The following LIX1L variants were observed in gnomAD, a reference collection of about 807,000 sequenced individuals.
The protein encoded by LIX1L is LIX1-like protein.
In LIX1L, 20 loss-of-function variants were observed where a neutral mutation model predicts 34.0. The observed-to-expected ratio is 0.59, with a 90% CI of 0.41 to 0.85. LIX1L has a LOEUF of 0.85. Among genes scored for constraint, LIX1L ranks in the 40% least tolerant of loss-of-function variants. LIX1L has a pLI of 0.00. For synonymous variants in LIX1L, 170 were observed against 187.4 expected (o/e 0.91, Z 0.76); for missense variants, 397 against 447.0 (o/e 0.89, Z 1.01).
intron 3 of LIX1L, among the ~76,000 whole-genome samples, chr1:145,938,450 G>C (rs1017390370): frequency 1.3e-5 from 2 of 152,172 alleles, no homozygotes; most frequent in Non-Finnish European, 2.9e-5. Flanking sequence ...CCTACAAATA[G>C]CGTGGCCTTG....
intron 4 of LIX1L, 117 bp downstream of exon 4, chr1:145,937,487 G>GT (rs1438365168): frequency 1.5e-6 from 1 of 666,746 alleles, no homozygotes; most frequent in East Asian, 2.9e-5. Flanking sequence ...GAAAAATAGT[G>GT]TAACAACCTT....
chr1:145,940,696 G>A (rs375609061), intron 3 of LIX1L, among the ~76,000 whole-genome samples: 27 of 150,258 alleles, frequency 1.8e-4, no homozygotes, highest in East Asian at 1.2e-3. Flanking sequence ...GACTACAGGC[G>A]CGCACCACCA....
intron 3 of LIX1L, among the ~76,000 whole-genome samples, chr1:145,940,803 G>A (rs1449929975): frequency 4.7e-5 from 7 of 150,008 alleles, no homozygotes; most frequent in African/African-American, 7.4e-5. Flanking sequence ...TGCCCACCTC[G>A]GCCTCCGAAA....
At chr1:145,938,339 G>A (rs1553758096) in intron 3 of LIX1L, among the ~76,000 whole-genome samples, 1 of 152,068 alleles carries the variant, frequency 6.6e-6, no homozygotes, top group East Asian at 1.9e-4. Context: ...TATTGGTTAT[G>A]TAACCCTGCA....
chr1:145,947,751 C>G lies in LIX1L; in HGVS notation c.324G>C (p.Trp108Cys). ...CAGCACCACGGGACTGCTTCATCTG[C>G]CAGAATTCCTGAAGTGCCTCCACCA... ...VNVVEALQEF[W>C]QMKQSRGADL... The change falls in exon 2 of 6, where the codon TGG (tryptophan) becomes TGC (cysteine). Residue 108 changes from tryptophan (W) to cysteine (C), a missense_variant. Transcript: ENST00000604000. 6.2e-7 allele frequency: 1 copy of G among 1,614,108 alleles called. No individual in the cohort carries two copies. The highest frequency in any genetic ancestry group is 8.5e-7 in the Non-Finnish European group (1 of 1,180,014).
In LIX1L at chr1:145,957,767, G is replaced by A. The variant is rs905667617; in HGVS notation, c.161C>T (p.Pro54Leu). 5.2e-6 allele frequency: 7 copies of A among 1,351,400 alleles called. No homozygotes were observed. The African/African-American group carries it at 9.2e-5, about 18-fold the overall frequency. The allele number at this position is 1,351,400 out of a possible 1,614,324, so 83.7% of individuals were successfully genotyped here. Residue 54 changes from proline to leucine, a missense_variant, in exon 1 of 6, where the codon CCG (proline) becomes CTG (leucine). By Grantham distance (98) the Pro-to-Leu change is moderately conservative. Transcript: ENST00000604000. Reference sequence around the variant, plus strand: ...TGGGGCCCCAGACAGGAGCAGCGGCGGCGGGGGCGGTGCGGGAGGCGGCGG... The same window carrying A: ...TGGGGCCCCAGACAGGAGCAGCGGCAGCGGGGGCGGTGCGGGAGGCGGCGG... Reference protein sequence around the residue: ...PAPPPPAPPPPPLLLSGAPGL... With the variant: ...PAPPPPAPPPLPLLLSGAPGL...
intron 1 of LIX1L, among the ~76,000 whole-genome samples, chr1:145,949,568 T>TA (rs1358784415): frequency 6.6e-6 from 1 of 152,100 alleles, no homozygotes; most frequent in African/African-American, 2.4e-5. Context: ...TAGGCCATGT[T>TA]AGAGTATTGG....
At chr1:145,952,574 T>C (rs1649335102) in intron 1 of LIX1L, among the ~76,000 whole-genome samples, 3 of 152,028 alleles carry the variant, frequency 2.0e-5, no homozygotes, top group African/African-American at 7.3e-5. Flanking sequence ...GTGGACAGGA[T>C]GGGAATGAGA....
intron 1 of LIX1L, among the ~76,000 whole-genome samples, chr1:145,949,859 C>T (rs1287891033): frequency 6.6e-6 from 1 of 151,448 alleles, no homozygotes; most frequent in East Asian, 1.9e-4. Flanking sequence ...CTCTGTTGCC[C>T]AGGCTGGAGT....
At position 145,933,930 on chromosome 1, in the gene LIX1L, T is replaced by C. The variant is rs1187075484; in HGVS notation, c.*2380A>G. On this transcript the variant is annotated 3_prime_UTR_variant, in exon 6 of 6. Transcript: ENST00000604000. ...AAAAGCAAGAAAGTTGCCTTTCATC[T>C]TGCCCCTATCAAATCCAAAAGAGCC... The C allele has an allele frequency of 6.6e-6, 1 of 152,298 alleles. No homozygotes were observed. Among genetic ancestry groups the C allele is most frequent in the African/African-American group, 2.4e-5 (1 of 41,466 alleles). 9.4% of individuals were successfully genotyped at this position (152,298 alleles called of 1,614,324 possible).
intron 3 of LIX1L, chr1:145,939,790 C>T (rs1553758362): frequency 1.3e-5 from 2 of 151,752 alleles, no homozygotes; most frequent in African/African-American, 4.9e-5. Context: ...GATGCATGCC[C>T]CCATACCCAG....
chr1:145,952,197 C>T (rs1001877989), intron 1 of LIX1L, among the ~76,000 whole-genome samples: 1 of 152,144 alleles, frequency 6.6e-6, no homozygotes, highest in Non-Finnish European at 1.5e-5. Context: ...AACACAGGCT[C>T]CAAGGTCCAG....
Position 145,957,973 on chromosome 1 carries a change from A to G in LIX1L, c.-46T>C. The G allele has an allele frequency of 1.5e-6, 2 of 1,348,620 alleles. No individual in the cohort carries two copies. Among genetic ancestry groups the G allele is most frequent in the Non-Finnish European group, 1.9e-6 (2 of 1,030,950 alleles). The allele number at this position is 1,348,620 out of a possible 1,614,324, so 83.5% of individuals were successfully genotyped here. On this transcript the variant is annotated 5_prime_UTR_variant, in exon 1 of 6. Coordinates refer to ENST00000604000, the MANE Select transcript of LIX1L (RefSeq NM_153713.3). ...CGCCCCGGAGCCTGCCAGCCTGCCG[A>G]GCTAACGGTCCCAACCACCCCAGTC... is the stretch of plus-strand genomic sequence containing the variant.
chr1:145,944,227 G>A (rs1213010529), intron 2 of LIX1L, among the ~76,000 whole-genome samples: 1 of 152,038 alleles, frequency 6.6e-6, no homozygotes, highest in Non-Finnish European at 1.5e-5. Flanking sequence ...CATGGTTGTG[G>A]TGCACACCTG....
At chr1:145,955,223 T>C (rs1376384118) in intron 1 of LIX1L, among the ~76,000 whole-genome samples, 1 of 152,198 alleles carries the variant, frequency 6.6e-6, no homozygotes, top group African/African-American at 2.4e-5. Flanking sequence ...TACAAACTTA[T>C]CAAGATCCTA....
At position 145,947,666 on chromosome 1, in the gene LIX1L, C is replaced by T. The variant is rs782278550; in HGVS notation, c.409G>A (p.Val137Ile). The T allele has an allele frequency of 3.7e-5, 60 of 1,614,042 alleles. No individual in the cohort carries two copies. Among genetic ancestry groups the T allele is most frequent in the African/African-American group, 6.7e-5 (5 of 74,928 alleles). ...EMVPSNSPPY[V>I]CYVTLPGGSC... ...CCCCCAGGCAGGGTGACATAGCAGA[C>T]ATAAGGAGGGCTGTTGGAGGGAACC... The change falls in exon 2 of 6, where the codon GTC becomes ATC. Residue 137 changes from valine to isoleucine, a missense_variant. Physicochemically the swap from Val to Ile is conservative, Grantham distance 29. Around this residue, in one of 3 missense-constraint regions of LIX1L, gnomAD observed 207 missense variants for 205.2 expected, o/e 1.01. Transcript: ENST00000604000.
At chr1:145,950,613 G>A (rs1186259175) in intron 1 of LIX1L, among the ~76,000 whole-genome samples, 5 of 150,668 alleles carry the variant, frequency 3.3e-5, no homozygotes, top group Admixed American at 1.3e-4. Flanking sequence ...TGATCCGCCC[G>A]CCTCGGCCTC....
chr1:145,952,174 A>G (rs1038032509), intron 1 of LIX1L, among the ~76,000 whole-genome samples: 1 of 152,168 alleles, frequency 6.6e-6, no homozygotes, highest in African/African-American at 2.4e-5. Flanking sequence ...ATTCTTTCCA[A>G]TTTGGGAATC....
Position 145,936,244 on chromosome 1 carries a change from C to A in LIX1L, c.*66G>T. On this transcript the variant is annotated 3_prime_UTR_variant, in exon 6 of 6. Transcript: ENST00000604000. Reference sequence around the variant, plus strand: ...GAGAAAGTATGTACAAAAAATCATCCTAAATCTTAGAAAGGAGACATAAAA... The same window carrying A: ...GAGAAAGTATGTACAAAAAATCATCATAAATCTTAGAAAGGAGACATAAAA... 6.4e-7 allele frequency: 1 copy of A among 1,553,278 alleles called. No homozygotes were observed. The highest frequency in any genetic ancestry group is 8.7e-7 in the Non-Finnish European group (1 of 1,146,968).
Sources: allele counts gnomAD v4.1 joint callset (sites outside exome capture counted in the v4.1 genomes callset), GRCh38; gene constraint gnomAD v4.1.1; regional missense constraint gnomAD v4.1.1; transcripts MANE v1.5; gene names NCBI Gene and HGNC (gene_info 2026-07-23, HGNC 2026-07-21).